The following PARD3B variants were observed in gnomAD, a reference collection of about 807,000 sequenced individuals.
PARD3B encodes the protein par-3 family cell polarity regulator beta.
In PARD3B, 103 loss-of-function variants were observed where a neutral mutation model predicts 130.2. The ratio of observed to expected loss-of-function variants is 0.79; its 90% CI spans 0.67 to 0.93. PARD3B has a LOEUF of 0.93. PARD3B is among the 40% of genes least tolerant of loss of function. The pLI is 0.00. For missense variants in PARD3B, 1,609 were observed against 1,499.2 expected (o/e 1.07, Z -1.21); for synonymous variants, 583 against 553.2 (o/e 1.05, Z -0.76).
intron 2 of PARD3B, among the ~76,000 whole-genome samples, chr2:204,875,584 G>A (rs1280425661): frequency 6.6e-6 from 1 of 152,298 alleles, no homozygotes; most frequent in African/African-American, 2.4e-5. Flanking sequence ...ACTTTGAGCA[G>A]TGTGGTAAGA....
At chr2:204,668,876 G>A (rs559917473) in intron 1 of PARD3B, among the ~76,000 whole-genome samples, 1 of 152,160 alleles carries the variant, frequency 6.6e-6, no homozygotes, top group South Asian at 2.1e-4. Flanking sequence ...AATCACAGGG[G>A]TCTTTATTTG....
chr2:204,624,439 T>C (rs2125131635), intron 1 of PARD3B, among the ~76,000 whole-genome samples: 1 of 152,286 alleles, frequency 6.6e-6, no homozygotes, highest in South Asian at 2.1e-4. Context: ...AATAGAAATA[T>C]GTAATGCAGC....
intron 18 of PARD3B, among the ~76,000 whole-genome samples, chr2:205,361,744 C>A (rs1265364258): frequency 6.6e-6 from 1 of 152,170 alleles, no homozygotes; most frequent in Admixed American, 6.5e-5. Context: ...TCCGTGCATA[C>A]CACTTGGCCA....
intron 2 of PARD3B, among the ~76,000 whole-genome samples, chr2:204,919,556 G>A (rs993201921): frequency 2.2e-4 from 33 of 152,070 alleles, no homozygotes; most frequent in African/African-American, 6.5e-4. Context: ...GAGATTCACC[G>A]TTTAGTATAT....
chr2:205,543,282 A>G (rs1055718970), intron 21 of PARD3B, among the ~76,000 whole-genome samples: 1 of 152,200 alleles, frequency 6.6e-6, no homozygotes, highest in African/African-American at 2.4e-5. Flanking sequence ...TTTATAACAC[A>G]TATCTCCTTA....
chr2:205,435,049 C>T (rs977898825), intron 19 of PARD3B, among the ~76,000 whole-genome samples: 1 of 151,772 alleles, frequency 6.6e-6, no homozygotes, highest in East Asian at 1.9e-4. Flanking sequence ...ACATGTACCC[C>T]CTGTACTGAA....
intron 2 of PARD3B, among the ~76,000 whole-genome samples, chr2:204,852,895 A>G (rs991624276): frequency 7.2e-5 from 11 of 152,288 alleles, no homozygotes; most frequent in African/African-American, 2.6e-4. Context: ...ATTTGTCTTG[A>G]TAATAAAAAG....
At chr2:205,065,946 A>T (rs1422897939) in intron 4 of PARD3B, among the ~76,000 whole-genome samples, 3 of 152,176 alleles carry the variant, frequency 2.0e-5, no homozygotes, top group Admixed American at 1.3e-4. Context: ...CCATTTATTC[A>T]TACTTATTAT....
intron 18 of PARD3B, among the ~76,000 whole-genome samples, chr2:205,387,366 A>G (rs1280655684): frequency 6.6e-6 from 1 of 152,168 alleles, no homozygotes; most frequent in Non-Finnish European, 1.5e-5. Context: ...GGCTTTCCTT[A>G]CCAAATTGTT....
intron 3 of PARD3B, among the ~76,000 whole-genome samples, chr2:205,020,097 C>T (rs532523703): frequency 1.3e-5 from 2 of 152,134 alleles, no homozygotes; most frequent in Admixed American, 6.5e-5. Context: ...CTACAGTCCA[C>T]GGTCTTTTCT....
At position 204,972,503 on chromosome 2, in the gene PARD3B, AC is replaced by A. The variant is rs529746280; in HGVS notation, c.394+7183del. The stretch of plus-strand genomic sequence containing the variant: ...CTTTTTTTTTCTACCTGCTTCAGTT[AC>A]CCTTTTGTCTCTTTAATTTTGTGTG... On this transcript the variant is annotated intron_variant, in intron 3 of 22. Transcript: ENST00000406610. Among the ~76,000 whole-genome samples the A allele has an allele frequency of 3.3e-5, 5 of 151,732 alleles. No homozygotes were observed. In the South Asian group the frequency reaches 1.0e-3, roughly 32 times the overall value.
intron 18 of PARD3B, among the ~76,000 whole-genome samples, chr2:205,365,549 C>CTTTTTTTTTTTTTTT (rs3048121): frequency 8.8e-6 from 1 of 113,760 alleles, no homozygotes; most frequent in African/African-American, 3.8e-5. Flanking sequence ...CCCAACCTTC[C>CTTTTTTTTTTTTTTT]TTTTTTTTTT....
chr2:204,592,166 A>G (rs1170619552), intron 1 of PARD3B, among the ~76,000 whole-genome samples: 2 of 152,226 alleles, frequency 1.3e-5, no homozygotes, highest in African/African-American at 4.8e-5. Context: ...GTCTGAGGGG[A>G]CCAACCGCAT....
chr2:204,708,903 C>T (rs2038307864), intron 2 of PARD3B, among the ~76,000 whole-genome samples: 1 of 152,036 alleles, frequency 6.6e-6, no homozygotes, highest in South Asian at 2.1e-4. Flanking sequence ...AAATTGTCCA[C>T]CTGGACTGTG....
chr2:205,448,960 A>T (rs568734518), intron 20 of PARD3B, among the ~76,000 whole-genome samples: 22 of 152,160 alleles, frequency 1.4e-4, no homozygotes, highest in African/African-American at 5.1e-4. Context: ...TGAGGTCAGG[A>T]GTTCGAGACC....
chr2:204,838,799 T>C (rs2044153988), intron 2 of PARD3B, among the ~76,000 whole-genome samples: 1 of 152,188 alleles, frequency 6.6e-6, no homozygotes. Context: ...AGTATGAATG[T>C]ATTAAATTAT....
At position 204,545,942 on chromosome 2, in the gene PARD3B, GC is replaced by G; in HGVS notation, c.-57del. 6.8e-7 allele frequency: 1 copy of G among 1,469,902 alleles called. No individual in the cohort carries two copies. The highest frequency in any genetic ancestry group is 2.4e-5 in the Admixed American group (1 of 41,032). 91.1% of individuals were successfully genotyped at this position (1,469,902 alleles called of 1,614,324 possible). A position where few individuals can be genotyped will look rare whatever the true frequency, so the allele number is the denominator to read the frequency against. ...CGGGCGTCCTCCGAGAGTGGGGGCTGCGCCCGCGGGGTCAGACACCTGTTCG... is the reference window on the plus strand; with the variant it reads ...CGGGCGTCCTCCGAGAGTGGGGGCTGGCCCGCGGGGTCAGACACCTGTTCG... On this transcript the variant is annotated 5_prime_UTR_variant, in exon 1 of 23. Transcript: ENST00000406610.
At chr2:205,076,349 G>T (rs1701062566) in intron 4 of PARD3B, among the ~76,000 whole-genome samples, 1 of 152,194 alleles carries the variant, frequency 6.6e-6, no homozygotes, top group African/African-American at 2.4e-5. Context: ...CTTGTCTCTT[G>T]TTATGCTAAT....
intron 1 of PARD3B, among the ~76,000 whole-genome samples, chr2:204,554,054 A>T (rs1331208095): frequency 1.3e-5 from 2 of 152,130 alleles, no homozygotes; most frequent in Admixed American, 6.5e-5. Flanking sequence ...AAAAAATTTT[A>T]AAAATACTAA....
Sources: gnomAD v4.1 joint callset for allele counts (sites outside exome capture counted in the v4.1 genomes callset) on GRCh38, gnomAD v4.1.1 for gene constraint, MANE v1.5 for transcripts, NCBI Gene and HGNC (gene_info 2026-07-23, HGNC 2026-07-21) for gene names.